PDGFRA: variants seen among roughly 807,000 people sequenced by gnomAD.
PDGFRA encodes platelet derived growth factor receptor alpha.
Under a neutral mutation model 121.5 loss-of-function variants are expected in PDGFRA, and 25 were observed. The ratio of observed to expected loss-of-function variants is 0.21; its 90% CI spans 0.15 to 0.29. The LOEUF (loss-of-function observed/expected upper bound fraction) is 0.29. Among genes scored for constraint, PDGFRA ranks in the 10% least tolerant of loss-of-function variants. The probability of loss-of-function intolerance (pLI) is 1.00; values close to 1 mark genes in which losing one functional copy is unlikely to be tolerated. For synonymous variants in PDGFRA, 463 were observed against 494.8 expected, an observed-to-expected ratio of 0.94 and a Z score of 0.85; for missense variants, 1,008 against 1,345.1, an observed-to-expected ratio of 0.75 and a Z score of 3.92.
chr4:54,281,818 A>G lies in PDGFRA; in HGVS notation c.2323+1336A>G, dbSNP rs971739489. On this transcript the variant is annotated intron_variant, in intron 16 of 22. Coordinates refer to ENST00000257290, the MANE Select transcript of PDGFRA (RefSeq NM_006206.6). Reference sequence around the variant, plus strand: ...CCCTTCCAGATGGGACTAACTGGGGAAAGTGGACAAGTTACAAACAAAGAA... The same window carrying G: ...CCCTTCCAGATGGGACTAACTGGGGGAAGTGGACAAGTTACAAACAAAGAA... The G allele has an allele frequency of 4.0e-6, 5 of 1,250,832 alleles. No homozygotes were observed. The African/African-American group carries it at 7.6e-5, about 19-fold the overall frequency. 77.5% of individuals were successfully genotyped at this position (1,250,832 alleles called of 1,614,324 possible).
intron 11 of PDGFRA, 33 bp downstream of exon 11, chr4:54,274,658 G>C (rs2110297429): frequency 6.4e-7 from 1 of 1,553,718 alleles, no homozygotes; most frequent in Non-Finnish European, 8.9e-7. Flanking sequence ...AAAGATCTTT[G>C]AAGCCAATGA....
At chr4:54,245,233 C>T (rs1721569815) in intron 1 of PDGFRA, among the ~76,000 whole-genome samples, 1 of 152,124 alleles carries the variant, frequency 6.6e-6, no homozygotes, top group African/African-American at 2.4e-5. Flanking sequence ...CAAAGATACT[C>T]CTCGAGAAGA....
At position 54,263,889 on chromosome 4, in the gene PDGFRA, A is replaced by C. The variant is rs200484286; in HGVS notation, c.590A>C (p.Lys197Thr). 5 of 1,614,110 alleles carry C rather than the reference A, an allele frequency of 3.1e-6. No homozygotes were observed. Among genetic ancestry groups the C allele is most frequent in the Non-Finnish European group, 4.2e-6 (5 of 1,179,996 alleles). Residue 197 changes from lysine to threonine, a missense_variant, in exon 4 of 23, where the codon AAG becomes ACG. Coordinates refer to ENST00000257290, the MANE Select transcript of PDGFRA (RefSeq NM_006206.6). ...TGTGAGGCCACCGTCAAAGGAAAGAAGTTCCAGACCATCCCATTTAATGTT... is the reference window on the plus strand; with the variant it reads ...TGTGAGGCCACCGTCAAAGGAAAGACGTTCCAGACCATCCCATTTAATGTT... ...YICEATVKGK[K>T]FQTIPFNVYA...
At chr4:54,284,801 C>A (rs1807805) in intron 16 of PDGFRA, among the ~76,000 whole-genome samples, 29 of 147,302 alleles carry the variant, frequency 2.0e-4, no homozygotes, top group African/African-American at 7.0e-4. Flanking sequence ...TATATCATTG[C>A]GTGTGTGTGT....
chr4:54,233,905 T>C (rs560635689), intron 1 of PDGFRA, among the ~76,000 whole-genome samples: 1 of 152,266 alleles, frequency 6.6e-6, no homozygotes, highest in South Asian at 2.1e-4. Flanking sequence ...TGCGCGGCCG[T>C]CGCGGCCCTC....
intron 1 of PDGFRA, among the ~76,000 whole-genome samples, chr4:54,237,709 C>T (rs1721089946): frequency 6.6e-6 from 1 of 152,224 alleles, no homozygotes; most frequent in Non-Finnish European, 1.5e-5. Context: ...GGCCATCAGC[C>T]AGCCAGCATT....
intron 1 of PDGFRA, among the ~76,000 whole-genome samples, chr4:54,244,068 C>T (rs556487564): frequency 1.3e-5 from 2 of 152,286 alleles, no homozygotes; most frequent in Non-Finnish European, 2.9e-5. Context: ...CTGGGAAGCT[C>T]GAACAGGGTG....
rs764547342 is a variant in PDGFRA at position 54,277,864 on chromosome 4, C to T, written c.1892-32C>T. On this transcript the variant is annotated intron_variant, in intron 13 of 22. Transcript: ENST00000257290. ...TGAGAACAGGAAGTTGGTAGCTCAGCTGGACTGATATGTGATTTATTCTTT... is the reference window on the plus strand; with the variant it reads ...TGAGAACAGGAAGTTGGTAGCTCAGTTGGACTGATATGTGATTTATTCTTT... 4 of 1,415,396 alleles carry T rather than the reference C, an allele frequency of 2.8e-6. No homozygotes were observed. In the South Asian group the frequency reaches 4.6e-5, roughly 16 times the overall value. 87.7% of individuals were successfully genotyped at this position (1,415,396 alleles called of 1,614,324 possible).
intron 3 of PDGFRA, among the ~76,000 whole-genome samples, chr4:54,263,019 G>C (rs1448406290): frequency 6.6e-6 from 1 of 152,154 alleles, no homozygotes; most frequent in Non-Finnish European, 1.5e-5. Flanking sequence ...TACCACCGTA[G>C]CTTAAGTAGC....
chr4:54,285,009 T>C (rs1192037611), intron 16 of PDGFRA, among the ~76,000 whole-genome samples: 1 of 149,776 alleles, frequency 6.7e-6, no homozygotes, highest in Non-Finnish European at 1.5e-5. Context: ...TTCCCCTGCC[T>C]CAGCCTCCTG....
At chr4:54,279,116 G>A in intron 15 of PDGFRA, 1 of 291,890 alleles carries the variant, frequency 3.4e-6, no homozygotes, top group Non-Finnish European at 7.0e-6. Context: ...TTCCAACCAA[G>A]GCTTGTGAGT....
At chr4:54,263,521 T>C in intron 3 of PDGFRA, 146 bp from the exon 4 acceptor site, 1 of 791,140 alleles carries the variant, frequency 1.3e-6, no homozygotes, top group Non-Finnish European at 2.2e-6. Flanking sequence ...TGATAACTAA[T>C]GCCAGTGGGG....
intron 1 of PDGFRA, among the ~76,000 whole-genome samples, chr4:54,252,597 AAAG>A (rs773030278): frequency 8.5e-5 from 13 of 152,324 alleles, no homozygotes; most frequent in East Asian, 1.9e-4. Flanking sequence ...TGCAGAAAAA[AAAG>A]AAGATGTGTA....
chr4:54,229,581 C>G (rs1458483965), intron 1 of PDGFRA, among the ~76,000 whole-genome samples, 166 bp downstream of exon 1: 4 of 149,730 alleles, frequency 2.7e-5, no homozygotes, highest in Non-Finnish European at 5.9e-5. Context: ...TCGGAATAAA[C>G]TTCACTTGGG....
rs749514331 is a variant in PDGFRA at position 54,280,772 on chromosome 4, T to A, written c.2323+290T>A. ...AGTAAACATTTTTTAAAAAAAATAA[T>A]TATTTATTCTGATATAATGAACTTC... On this transcript the variant is annotated intron_variant, in intron 16 of 22. Transcript: ENST00000257290. 529 of 203,642 alleles carry A rather than the reference T, an allele frequency of 2.6e-3. 1 individual carries two copies. Among genetic ancestry groups the A allele is most frequent in the Non-Finnish European group, 4.0e-3 (398 of 98,576 alleles). The allele number at this position is 203,642 out of a possible 1,614,324, so 12.6% of individuals were successfully genotyped here.
intron 5 of PDGFRA, 172 bp downstream of exon 5, chr4:54,265,221 A>G: frequency 1.5e-6 from 1 of 659,638 alleles, no homozygotes; most frequent in Non-Finnish European, 2.8e-6. Flanking sequence ...CTCCTTGATC[A>G]ATGGGAGAGT....
chr4:54,252,961 G>A (rs1437108408), intron 1 of PDGFRA, among the ~76,000 whole-genome samples: 1 of 151,066 alleles, frequency 6.6e-6, no homozygotes. Context: ...GCAGGAGATG[G>A]CACCCTGTTA....
Position 54,267,712 on chromosome 4 carries a change from C to A in PDGFRA, c.1092C>A (p.Thr364=). 1 of 1,614,026 alleles carries A rather than the reference C, an allele frequency of 6.2e-7. No homozygotes were observed. Residue 364 remains threonine (T), a synonymous_variant, in exon 7 of 23, where the codon ACC becomes ACA. Transcript: ENST00000257290. The stretch of plus-strand genomic sequence containing the variant: ...TGATTGAAAATCTCACTGAGATCAC[C>A]ACTGATGTGGAAAAGATTCAGGAAA... The part of the protein sequence containing the change: ...LTLIENLTEI[T]TDVEKIQEIR...
chr4:54,234,936 C>A (rs1331724166), intron 1 of PDGFRA, among the ~76,000 whole-genome samples: 1 of 152,174 alleles, frequency 6.6e-6, no homozygotes, highest in Non-Finnish European at 1.5e-5. Context: ...TAAAAGGCTC[C>A]TGTTTAAAAA....
Sources: gnomAD v4.1 joint callset for allele counts (sites outside exome capture counted in the v4.1 genomes callset) on GRCh38, gnomAD v4.1.1 for gene constraint, MANE v1.5 for transcripts, NCBI Gene and HGNC (gene_info 2026-07-23, HGNC 2026-07-21) for gene names.